Variants in DCC observed in about 807,000 individuals in gnomAD.
DCC encodes the protein DCC netrin 1 receptor.
In DCC, 58 loss-of-function variants were observed where a neutral mutation model predicts 172.5. That is an observed-to-expected ratio of 0.34 (90% CI 0.27 to 0.42). The LOEUF (loss-of-function observed/expected upper bound fraction) is 0.42, where lower values mean the gene tolerates loss of function less well. Among genes scored for constraint, DCC ranks in the 10% least tolerant of loss-of-function variants. The probability of loss-of-function intolerance (pLI) is 1.00; values close to 1 mark genes in which losing one functional copy is unlikely to be tolerated. For synonymous variants in DCC, 709 were observed against 644.5 expected (o/e 1.10, Z -1.52); for missense variants, 1,740 against 1,791.0 (o/e 0.97, Z 0.51).
intron 5 of DCC, among the ~76,000 whole-genome samples, chr18:52,989,668 C>T (rs2041351942): frequency 6.6e-6 from 1 of 152,156 alleles, no homozygotes; most frequent in Admixed American, 6.5e-5. Flanking sequence ...CACACATGTA[C>T]TCACACAACA....
intron 19 of DCC, among the ~76,000 whole-genome samples, chr18:53,405,190 T>TAAAA (rs367591898): frequency 2.1e-4 from 29 of 139,112 alleles, no homozygotes; most frequent in Middle Eastern, 7.6e-3. Context: ...TAATAAAAAG[T>TAAAA]AAAAAAAAAA....
intron 1 of DCC, among the ~76,000 whole-genome samples, chr18:52,376,989 A>G (rs1350493501): frequency 1.3e-5 from 2 of 152,176 alleles, no homozygotes; most frequent in East Asian, 1.9e-4. Flanking sequence ...TCTGATGCCT[A>G]TCACCCGTTG....
intron 2 of DCC, among the ~76,000 whole-genome samples, chr18:52,778,515 A>G (rs928383876): frequency 2.0e-5 from 3 of 152,160 alleles, no homozygotes; most frequent in African/African-American, 7.2e-5. Flanking sequence ...AATCCAAACA[A>G]TTTTAAAATC....
At chr18:53,362,452 G>A (rs2057958241) in intron 15 of DCC, among the ~76,000 whole-genome samples, 1 of 152,104 alleles carries the variant, frequency 6.6e-6, no homozygotes, top group Admixed American at 6.6e-5. Flanking sequence ...TTTTTCTGTT[G>A]TTGGTCAAGT....
At chr18:52,773,765 G>T (rs1364576607) in intron 2 of DCC, among the ~76,000 whole-genome samples, 1 of 152,170 alleles carries the variant, frequency 6.6e-6, no homozygotes, top group Non-Finnish European at 1.5e-5. Flanking sequence ...CTGACCTCAG[G>T]TGATCTGCCT....
chr18:53,138,305 A>G (rs1245515928), intron 7 of DCC, among the ~76,000 whole-genome samples: 2 of 152,228 alleles, frequency 1.3e-5, no homozygotes, highest in Admixed American at 6.5e-5. Flanking sequence ...AATAAGACCT[A>G]TAATTTGCAA....
intron 16 of DCC, among the ~76,000 whole-genome samples, chr18:53,389,374 T>C (rs1438730605): frequency 6.6e-6 from 1 of 152,208 alleles, no homozygotes; most frequent in African/African-American, 2.4e-5. Flanking sequence ...AATTAATATA[T>C]GCAATATGTA....
intron 27 of DCC, among the ~76,000 whole-genome samples, chr18:53,515,837 G>A (rs918161569): frequency 9.9e-5 from 15 of 151,952 alleles, no homozygotes; most frequent in African/African-American, 3.4e-4. Context: ...ATGCTCATGG[G>A]TAGGAAGAAT....
At chr18:52,967,366 C>T (rs2040951857) in intron 5 of DCC, among the ~76,000 whole-genome samples, 1 of 152,152 alleles carries the variant, frequency 6.6e-6, no homozygotes, top group South Asian at 2.1e-4. Context: ...ATTTGATTTG[C>T]AGGTCTCTTT....
intron 1 of DCC, among the ~76,000 whole-genome samples, chr18:52,712,268 T>A (rs1163042352): frequency 6.9e-6 from 1 of 145,918 alleles, no homozygotes; most frequent in Non-Finnish European, 1.5e-5. Flanking sequence ...CTCCACTTAC[T>A]TAATTTTTAA....
At chr18:52,596,950 T>A (rs1186758871) in intron 1 of DCC, among the ~76,000 whole-genome samples, 1 of 152,198 alleles carries the variant, frequency 6.6e-6, no homozygotes, top group Non-Finnish European at 1.5e-5. Context: ...TTTGTGAGCA[T>A]CTGACCAGTA....
At chr18:53,067,377 T>C (rs978995529) in intron 7 of DCC, among the ~76,000 whole-genome samples, 15 of 151,702 alleles carry the variant, frequency 9.9e-5, no homozygotes, top group African/African-American at 3.6e-4. Flanking sequence ...AAAAAATATA[T>C]ATTTAAAAAC....
intron 15 of DCC, among the ~76,000 whole-genome samples, chr18:53,371,247 T>C (rs1442586755): frequency 6.6e-6 from 1 of 151,978 alleles, no homozygotes; most frequent in East Asian, 1.9e-4. Context: ...TTAAACTGTG[T>C]TTCTCCCTTA....
intron 19 of DCC, among the ~76,000 whole-genome samples, chr18:53,407,371 A>T (rs1909723175): frequency 6.6e-6 from 1 of 151,456 alleles, no homozygotes; most frequent in Admixed American, 6.6e-5. Flanking sequence ...GGGAATAAAA[A>T]AGTAATAAGA....
chr18:52,652,335 C>T (rs549096441), intron 1 of DCC, among the ~76,000 whole-genome samples: 3 of 152,286 alleles, frequency 2.0e-5, no homozygotes, highest in Non-Finnish European at 2.9e-5. Context: ...ATATACCTCT[C>T]GTCTCCCTCC....
At chr18:52,414,283 C>T (rs1986942374) in intron 1 of DCC, among the ~76,000 whole-genome samples, 1 of 152,014 alleles carries the variant, frequency 6.6e-6, no homozygotes, top group Non-Finnish European at 1.5e-5. Flanking sequence ...AGTGTTTCAC[C>T]ATGTTGGCCA....
At chr18:53,231,017 G>C (rs879319179) in intron 12 of DCC, among the ~76,000 whole-genome samples, 1 of 151,828 alleles carries the variant, frequency 6.6e-6, no homozygotes, top group Non-Finnish European at 1.5e-5. Context: ...TATTTTCCAG[G>C]AATGTAGTTT....
intron 2 of DCC, among the ~76,000 whole-genome samples, chr18:52,764,725 T>C (rs1053464637): frequency 6.6e-6 from 1 of 151,826 alleles, no homozygotes. Flanking sequence ...TTTTTCTTTA[T>C]AAGTTATCCA....
chr18:53,264,472 G>A (rs543372310), intron 12 of DCC, among the ~76,000 whole-genome samples: 48 of 122,462 alleles, frequency 3.9e-4, no homozygotes, highest in Admixed American at 3.7e-3. Context: ...GCAAAACTCC[G>A]TCTCAAAAAA....
Sources: allele counts gnomAD v4.1 joint callset (sites outside exome capture counted in the v4.1 genomes callset), GRCh38; gene constraint gnomAD v4.1.1; transcripts MANE v1.5; gene names NCBI Gene and HGNC (gene_info 2026-07-23, HGNC 2026-07-21).